FRMPD4: variants seen among roughly 807,000 people sequenced by gnomAD.
FRMPD4 encodes the protein FERM and PDZ domain-containing protein 4.
In FRMPD4, 22 loss-of-function variants were observed where a neutral mutation model predicts 94.1. That is an observed-to-expected ratio of 0.23 (90% CI 0.17 to 0.33). The LOEUF is 0.33. Ranked by LOEUF, FRMPD4 falls within the 10% of genes least tolerant of loss-of-function variation. The pLI is 1.00. For synonymous variants in FRMPD4, 631 were observed against 548.6 expected, an observed-to-expected ratio of 1.15 and a Z score of -2.10; for missense variants, 1,111 against 1,339.9, an observed-to-expected ratio of 0.83 and a Z score of 2.67.
intron 1 of FRMPD4, among the ~76,000 whole-genome samples, chrX:12,314,203 T>A (rs7882922): frequency 8.9e-6 from 1 of 112,443 alleles, no homozygotes; most frequent in Admixed American, 9.4e-5. Flanking sequence ...AAGACACTTT[T>A]AAAAAGTCGT....
rs1454063791 is a variant in FRMPD4, at chrX:12,261,400, C to G, written c.41+122388C>G. ...ACAATGTTTTGATGCTTCCTGGAAC[C>G]TCTAACTTCAAAAGCTGGTGATTTG... On this transcript the variant is annotated intron_variant, in intron 1 of 16. Transcript: ENST00000675598. Among the ~76,000 whole-genome samples the G allele has an allele frequency of 3.6e-5, 4 of 111,749 alleles. No homozygotes were observed. In the Admixed American group the frequency reaches 3.8e-4, roughly 11 times the overall value.
chrX:12,468,708 C>T (rs1015820287), intron 1 of FRMPD4, among the ~76,000 whole-genome samples: 5 of 111,825 alleles, frequency 4.5e-5, no homozygotes, highest in Admixed American at 3.8e-4. Flanking sequence ...GCTACATCAC[C>T]CCCTTACTAT....
intron 1 of FRMPD4, among the ~76,000 whole-genome samples, chrX:12,364,204 G>A (rs1445555076): frequency 2.7e-5 from 3 of 111,202 alleles, no homozygotes; most frequent in Non-Finnish European, 5.7e-5. Context: ...GTATAGTAAG[G>A]CCAACAGATC....
chrX:12,659,111 G>A (rs1284964963), intron 4 of FRMPD4, among the ~76,000 whole-genome samples: 3 of 112,029 alleles, frequency 2.7e-5, no homozygotes, highest in Non-Finnish European at 5.6e-5. Context: ...TCCCTGGCAG[G>A]TTCCACCTTA....
intron 1 of FRMPD4, among the ~76,000 whole-genome samples, chrX:11,826,383 G>A (rs1404709117): frequency 2.7e-5 from 3 of 111,413 alleles, no homozygotes; most frequent in Non-Finnish European, 5.7e-5. Flanking sequence ...GCAGAGCCTG[G>A]CAAGCCTCTC....
chrX:12,195,609 C>A (rs189472924), intron 1 of FRMPD4, among the ~76,000 whole-genome samples: 1 of 111,630 alleles, frequency 9.0e-6, no homozygotes, highest in African/African-American at 3.2e-5. Flanking sequence ...TGACTAGCCA[C>A]AATTACTGAA....
intron 1 of FRMPD4, among the ~76,000 whole-genome samples, chrX:12,458,671 G>A (rs2057360613): frequency 9.0e-6 from 1 of 111,597 alleles, no homozygotes; most frequent in Admixed American, 9.5e-5. Flanking sequence ...TTGAGGTCTA[G>A]GCCTGTGATT....
chrX:12,230,446 C>A (rs182989973), intron 1 of FRMPD4, among the ~76,000 whole-genome samples: 91 of 111,443 alleles, frequency 8.2e-4, no homozygotes, highest in African/African-American at 2.9e-3. Flanking sequence ...GTCACAGTGT[C>A]TCCATCATGT....
intron 1 of FRMPD4, among the ~76,000 whole-genome samples, chrX:12,483,832 T>A (rs991746427): frequency 8.9e-6 from 1 of 112,173 alleles, no homozygotes; most frequent in Non-Finnish European, 1.9e-5. Flanking sequence ...TTATATAGAA[T>A]CTAGGTATGG....
At chrX:12,596,943 A>G (rs994542215) in intron 2 of FRMPD4, among the ~76,000 whole-genome samples, 4 of 111,666 alleles carry the variant, frequency 3.6e-5, no homozygotes, top group African/African-American at 1.3e-4. Context: ...TATTGTCTCT[A>G]TTACTTGTCT....
At position 12,641,344 on chromosome X, in the gene FRMPD4, A is replaced by T. The variant is rs145603356; in HGVS notation, c.422+26463A>T. On this transcript the variant is annotated intron_variant, in intron 4 of 16. Transcript: ENST00000675598. ...TGTCCTATCAGAGGCAGAGGGATAG[A>T]GTGTTTATAGTCGCCAGTTAAGAAC... Among the ~76,000 whole-genome samples, 445 of 111,203 alleles carry T rather than the reference A, an allele frequency of 4.0e-3. 2 individuals are homozygous for T. Among genetic ancestry groups the T allele is most frequent in the African/African-American group, 0.013 (406 of 30,586 alleles).
chrX:12,325,720 G>A (rs1601820170), intron 1 of FRMPD4, among the ~76,000 whole-genome samples: 1 of 112,239 alleles, frequency 8.9e-6, no homozygotes. Flanking sequence ...ATTCCCTGAA[G>A]CTCTAAAATG....
At chrX:12,582,586 T>C (rs535122905) in intron 2 of FRMPD4, among the ~76,000 whole-genome samples, 1 of 112,052 alleles carries the variant, frequency 8.9e-6, no homozygotes, top group Admixed American at 9.4e-5. Context: ...GAAAATCCCA[T>C]GAAGAGGACT....
intron 2 of FRMPD4, among the ~76,000 whole-genome samples, chrX:12,517,791 G>A (rs1037070825): frequency 5.3e-5 from 6 of 112,827 alleles, no homozygotes; most frequent in Admixed American, 2.8e-4. Context: ...GGATTCCTCC[G>A]AGCCAGCAGG....
At chrX:12,215,209 C>T (rs180757710) in intron 1 of FRMPD4, among the ~76,000 whole-genome samples, 131 of 111,279 alleles carry the variant, frequency 1.2e-3, no homozygotes, top group African/African-American at 4.0e-3. Context: ...TTTTGAGAGG[C>T]ATTTATTTAT....
intron 3 of FRMPD4, among the ~76,000 whole-genome samples, chrX:12,109,642 T>TC (rs2055336680): frequency 1.8e-5 from 2 of 111,468 alleles, no homozygotes; most frequent in African/African-American, 3.3e-5. Context: ...GGAGCTGGTT[T>TC]TTTGAAAAGA....
intron 1 of FRMPD4, among the ~76,000 whole-genome samples, chrX:12,428,195 T>C (rs1033006245): frequency 9.0e-6 from 1 of 111,309 alleles, no homozygotes; most frequent in Admixed American, 9.5e-5. Context: ...AATCACATTT[T>C]AACTTTAAAA....
intron 3 of FRMPD4, among the ~76,000 whole-genome samples, chrX:12,010,815 T>C (rs2054576999): frequency 8.9e-6 from 1 of 111,754 alleles, no homozygotes; most frequent in African/African-American, 3.3e-5. Flanking sequence ...TTCTAGGAGA[T>C]TGTAGATTTG....
chrX:12,145,834 G>A (rs182103347), intron 1 of FRMPD4, among the ~76,000 whole-genome samples: 119 of 111,691 alleles, frequency 1.1e-3, no homozygotes, highest in Non-Finnish European at 2.1e-3. Flanking sequence ...ACTAGCAGGG[G>A]GAAGGATGGA....
Sources: allele counts gnomAD v4.1 joint callset (sites outside exome capture counted in the v4.1 genomes callset), GRCh38; gene constraint gnomAD v4.1.1; transcripts MANE v1.5; gene names NCBI Gene and HGNC (gene_info 2026-07-23, HGNC 2026-07-21).